The following HM13 variants were observed in gnomAD, a reference collection of about 807,000 sequenced individuals.
The protein encoded by HM13 is signal peptide peptidase.
Under a neutral mutation model 50.0 loss-of-function variants are expected in HM13, and 18 were observed. That is an observed-to-expected ratio of 0.36 (90% CI 0.25 to 0.53). The LOEUF is 0.53. HM13 is among the 20% of genes least tolerant of loss of function. The pLI is 0.90. For missense variants in HM13, 393 were observed against 552.4 expected, an observed-to-expected ratio of 0.71 and a Z score of 2.89; for synonymous variants, 197 against 232.6, an observed-to-expected ratio of 0.85 and a Z score of 1.39.
intron 9 of HM13, among the ~76,000 whole-genome samples, chr20:31,560,051 A>G (rs913924780): frequency 3.3e-5 from 5 of 152,152 alleles, no homozygotes; most frequent in African/African-American, 1.2e-4. Context: ...GGTTGCAGTC[A>G]TCATCATCAT....
Position 31,549,292 on chromosome 20 carries a change from G to C in HM13, c.626G>C (p.Cys209Ser). The C allele has an allele frequency of 6.2e-7, 1 of 1,614,206 alleles. No homozygotes were observed. The highest frequency in any genetic ancestry group is 8.5e-7 in the Non-Finnish European group (1 of 1,180,028). The change falls in exon 6 of 13, where the codon TGC (cysteine) becomes TCC (serine). Residue 209 changes from cysteine to serine, a missense_variant. Cys to Ser is a moderately radical substitution (Grantham distance 112). Transcript: ENST00000398174. The stretch of plus-strand genomic sequence containing the variant: ...CACCTCAACAATGTCAGCACTGGCT[G>C]CATCCTGCTGGGCGGACTCTTCATC... ...LLHLNNVSTG[C>S]ILLGGLFIYD... is the part of the protein sequence containing the mutation.
At chr20:31,549,452 C>T (rs991115652) in intron 6 of HM13, 120 bp downstream of exon 6, 13 of 1,299,122 alleles carry the variant, frequency 1.0e-5, no homozygotes, top group African/African-American at 7.2e-5. Context: ...GCTGAAGTTC[C>T]GGACCGCAGA....
intron 4 of HM13, chr20:31,547,907 C>A: frequency 8.8e-7 from 1 of 1,142,638 alleles, no homozygotes; most frequent in Non-Finnish European, 1.3e-6. Flanking sequence ...GTAGCAGTCA[C>A]AGCGGAAGGA....
Position 31,548,006 on chromosome 20 carries a change from A to G in HM13, c.455-1023A>G, listed in dbSNP as rs1983819088. 3.1e-6 allele frequency: 5 copies of G among 1,591,816 alleles called. No homozygotes were observed. In the South Asian group the frequency reaches 3.3e-5, roughly 11 times the overall value. On this transcript the variant is annotated intron_variant, in intron 4 of 12. Transcript: ENST00000398174. ...AAAGGAATTGGCATTGAAAATATCC[A>G]TTATTTAAATGATGGGCTGTGGCAC...
chr20:31,562,853 G>A (rs553798085), intron 10 of HM13, among the ~76,000 whole-genome samples: 36 of 152,352 alleles, frequency 2.4e-4, no homozygotes, highest in South Asian at 2.3e-3. Flanking sequence ...CTTCAATGGC[G>A]TGTAAGGTGA....
At chr20:31,553,857 TCAGAACAAGGGCCAA>T (rs1568795534) in intron 7 of HM13, among the ~76,000 whole-genome samples, 1 of 152,008 alleles carries the variant, frequency 6.6e-6, no homozygotes, top group Non-Finnish European at 1.5e-5. Context: ...TCACCCTGCT[TCAGAACAAGGGCCAA>T]CATCTGTCCA....
At chr20:31,536,347 G>A (rs1289341266) in intron 2 of HM13, among the ~76,000 whole-genome samples, 1 of 152,072 alleles carries the variant, frequency 6.6e-6, no homozygotes, top group African/African-American at 2.4e-5. Flanking sequence ...TGGGCAACAA[G>A]AGCGAAACTC....
rs77043918 is a variant in HM13, at chr20:31,532,750, C to G, written c.282+5168C>G. On this transcript the variant is annotated intron_variant, in intron 2 of 12. Coordinates refer to ENST00000398174, the MANE Select transcript of HM13 (RefSeq NM_178581.3). The stretch of plus-strand genomic sequence containing the variant: ...CGCTCTCTGTACCTTAAGATCTCTC[C>G]GTGGCTCTGTGTACATCCAGCCATT... Among the ~76,000 whole-genome samples the G allele has an allele frequency of 2.0e-5, 3 of 152,184 alleles. No individual in the cohort carries two copies. The South Asian group carries it at 6.2e-4, about 31-fold the overall frequency.
rs753483146 is a variant in HM13, at chr20:31,549,195, C to T, written c.541-12C>T. 1.2e-5 allele frequency: 19 copies of T among 1,614,084 alleles called. No homozygotes were observed. Among genetic ancestry groups the T allele is most frequent in the African/African-American group, 2.7e-5 (2 of 74,926 alleles). ...GTCACAGCAAGCTGGTCTCACTCCC[C>T]GCTTTCCTCAGCACTGGATTGCCAA... On this transcript the variant is annotated splice_polypyrimidine_tract_variant and intron_variant, in intron 5 of 12. Coordinates refer to ENST00000398174, the MANE Select transcript of HM13 (RefSeq NM_178581.3).
chr20:31,566,837 AC>A (rs1342502835), intron 11 of HM13, among the ~76,000 whole-genome samples: 5 of 151,214 alleles, frequency 3.3e-5, no homozygotes, highest in Admixed American at 3.3e-4. Context: ...CCATATCCAC[AC>A]CTACCACACC....
At chr20:31,524,902 A>G (rs2122552313) in intron 1 of HM13, among the ~76,000 whole-genome samples, 1 of 151,916 alleles carries the variant, frequency 6.6e-6, no homozygotes, top group South Asian at 2.1e-4. Flanking sequence ...TTTAGTAGAG[A>G]TGGGGTTTCA....
chr20:31,554,520 A>G, intron 7 of HM13: 1 of 464,330 alleles, frequency 2.2e-6, no homozygotes, highest in Non-Finnish European at 3.9e-6. Flanking sequence ...GTCTCTACTA[A>G]AAATACAAAA....
chr20:31,550,284 T>C, intron 7 of HM13, 163 bp downstream of exon 7: 1 of 640,018 alleles, frequency 1.6e-6, no homozygotes, highest in Non-Finnish European at 2.8e-6. Context: ...TTCATCTGGC[T>C]GTGTTCATCC....
intron 1 of HM13, among the ~76,000 whole-genome samples, chr20:31,522,205 G>T (rs1982206732): frequency 6.6e-6 from 1 of 152,188 alleles, no homozygotes; most frequent in Admixed American, 6.6e-5. Context: ...TCCTTTGACA[G>T]CCCTGAGCCT....
At chr20:31,566,174 C>A in intron 10 of HM13, 36 bp from the exon 11 acceptor site, 1 of 1,566,510 alleles carries the variant, frequency 6.4e-7, no homozygotes, top group Non-Finnish European at 8.8e-7. Flanking sequence ...CAGTGCCGTG[C>A]CCAGCATGGC....
intron 3 of HM13, among the ~76,000 whole-genome samples, chr20:31,543,243 AT>A (rs1983540105): frequency 6.6e-6 from 1 of 152,168 alleles, no homozygotes; most frequent in Admixed American, 6.5e-5. Flanking sequence ...GCTAGGAGGG[AT>A]CGGCTCTTTG....
At chr20:31,524,325 C>T (rs1982356154) in intron 1 of HM13, among the ~76,000 whole-genome samples, 1 of 152,134 alleles carries the variant, frequency 6.6e-6, no homozygotes, top group South Asian at 2.1e-4. Context: ...GAAGTAAACC[C>T]AGTCACTCAG....
chr20:31,518,125 T>G (rs1981914504), intron 1 of HM13, among the ~76,000 whole-genome samples: 2 of 151,302 alleles, frequency 1.3e-5, no homozygotes, highest in Non-Finnish European at 2.9e-5. Context: ...AACTTCTGCC[T>G]CCCAGGTTCA....
intron 1 of HM13, among the ~76,000 whole-genome samples, chr20:31,517,163 C>G (rs1367496778): frequency 6.6e-6 from 1 of 152,088 alleles, no homozygotes; most frequent in Non-Finnish European, 1.5e-5. Context: ...TGATTTCCCA[C>G]CAGTGTTGGA....
Sources: gnomAD v4.1 joint callset for allele counts (sites outside exome capture counted in the v4.1 genomes callset) on GRCh38, gnomAD v4.1.1 for gene constraint, MANE v1.5 for transcripts, NCBI Gene and HGNC (gene_info 2026-07-23, HGNC 2026-07-21) for gene names.